EPHB4: variants seen among roughly 807,000 people sequenced by gnomAD.
EPHB4 encodes ephrin type-B receptor 4.
EPHB4 carries 50 observed loss-of-function variants against 110.6 expected under a neutral mutation model. The observed-to-expected ratio is 0.45, with a 90% confidence interval of 0.36 to 0.57. The LOEUF (loss-of-function observed/expected upper bound fraction) is 0.57, where lower values mean the gene tolerates loss of function less well. EPHB4 is among the 20% of genes least tolerant of loss of function. The probability of loss-of-function intolerance (pLI) is 0.00; values close to 1 mark genes in which losing one functional copy is unlikely to be tolerated. For synonymous variants in EPHB4, 592 were observed against 578.4 expected, an observed-to-expected ratio of 1.02 and a Z score of -0.34; for missense variants, 1,128 against 1,382.1, an observed-to-expected ratio of 0.82 and a Z score of 2.91.
rs769239084 is a variant in EPHB4, at chr7:100,823,757, G to A, written c.298C>T (p.Leu100=). 6.2e-7 allele frequency: 1 copy of A among 1,613,630 alleles called. No individual in the cohort carries two copies. Among genetic ancestry groups the A allele is most frequent in the African/African-American group, 1.3e-5 (1 of 75,062 alleles). The change falls in exon 3 of 17, where the codon CTG becomes TTG. Residue 100 remains leucine (L), a synonymous_variant. Transcript: ENST00000358173. The part of the protein sequence containing the change: ...LRFTMLECLS[L]PRAGRSCKET... Reference sequence around the variant, plus strand: ...TTGCAGGAGCGCCCAGCCCGAGGCAGGGACAGGCACTCGAGCATGGTGAAG... The same window carrying A: ...TTGCAGGAGCGCCCAGCCCGAGGCAAGGACAGGCACTCGAGCATGGTGAAG...
At position 100,805,673 on chromosome 7, in the gene EPHB4, C is replaced by G. The variant is rs1451025383; in HGVS notation, c.2506G>C (p.Asp836His). 6.6e-7 allele frequency: 1 copy of G among 1,517,484 alleles called. No homozygotes were observed. Among genetic ancestry groups the G allele is most frequent in the Non-Finnish European group, 8.8e-7 (1 of 1,134,860 alleles). 94.0% of individuals were successfully genotyped at this position (1,517,484 alleles called of 1,614,324 possible). The change falls in exon 15 of 17, where the codon GAC (aspartate) becomes CAC (histidine). Residue 836 changes from aspartate to histidine, a missense_variant. Asp to His is a moderately conservative substitution (Grantham distance 81). Transcript: ENST00000358173. ...TCTGGGGGCGGGGGCAGCCGGTAGT[C>G]CTGTTCAATGGCATTGATCACCTGG... ...NQDVINAIEQ[D>H]YRLPPPPDCP...
Position 100,813,984 on chromosome 7 carries a change from C to T in EPHB4, c.1626G>A (p.Ala542=), listed in dbSNP as rs751791540. Residue 542 remains alanine, a synonymous_variant, in exon 9 of 17, where the codon GCG becomes GCA. Coordinates refer to ENST00000358173, the MANE Select transcript of EPHB4 (RefSeq NM_004444.5). ...EGWREQLALI[A]GTAVVGVVLV... Reference sequence around the variant, plus strand: ...GGACCACACCCACGACTGCCGTGCCCGCAATCAGGGCCAGCTGCTCCCGCC... The same window carrying T: ...GGACCACACCCACGACTGCCGTGCCTGCAATCAGGGCCAGCTGCTCCCGCC... 8 of 1,614,032 alleles carry T rather than the reference C, an allele frequency of 5.0e-6. No individual in the cohort carries two copies. The highest frequency in any genetic ancestry group is 1.6e-4 in the Middle Eastern group (1 of 6,084).
intron 16 of EPHB4, among the ~76,000 whole-genome samples, 160 bp downstream of exon 16, chr7:100,805,006 G>A (rs1190772679): frequency 6.6e-6 from 1 of 152,174 alleles, no homozygotes; most frequent in African/African-American, 2.4e-5. Context: ...CCATGGGGCT[G>A]TGACTGCTCC....
intron 8 of EPHB4, among the ~76,000 whole-genome samples, chr7:100,816,874 G>C (rs1197300758): frequency 6.6e-6 from 1 of 151,956 alleles, no homozygotes; most frequent in East Asian, 2.0e-4. Flanking sequence ...ACAAGGTCAG[G>C]AGTTCGAGAC....
chr7:100,819,777 G>C lies in EPHB4; in HGVS notation c.1077C>G (p.Leu359=), dbSNP rs1813172482. The C allele has an allele frequency of 1.3e-6, 2 of 1,586,134 alleles. No individual in the cohort carries two copies. The highest frequency in any genetic ancestry group is 1.8e-5 in the Admixed American group (1 of 55,050). The stretch of plus-strand genomic sequence containing the variant: ...CTCCGGGTCGGCACTCCCGGCAGCG[G>C]AGGGCGTAGGTGAGGTCCTCTCGGC... The part of the protein sequence containing the change: ...SGGREDLTYA[L]RCRECRPGGS... Residue 359 remains leucine, a synonymous_variant, in exon 6 of 17, where the codon CTC becomes CTG. Coordinates refer to ENST00000358173, the MANE Select transcript of EPHB4 (RefSeq NM_004444.5).
chr7:100,823,981 G>A, intron 2 of EPHB4, 50 bp from the exon 3 acceptor site: 2 of 1,527,852 alleles, frequency 1.3e-6, no homozygotes, highest in Non-Finnish European at 1.8e-6. Context: ...GCCAGGGAGA[G>A]GGCTGCATGG....
intron 12 of EPHB4, among the ~76,000 whole-genome samples, chr7:100,811,220 C>A (rs185000614): frequency 6.6e-6 from 1 of 151,734 alleles, no homozygotes; most frequent in Non-Finnish European, 1.5e-5. Flanking sequence ...CCACTGCACT[C>A]CAGCCTGGGT....
intron 4 of EPHB4, among the ~76,000 whole-genome samples, chr7:100,821,678 A>C (rs538644471): frequency 6.6e-6 from 1 of 151,098 alleles, no homozygotes; most frequent in Admixed American, 6.6e-5. Flanking sequence ...TCTGTCACCC[A>C]GGCTGATCTC....
At position 100,802,667 on chromosome 7, in the gene EPHB4, G is replaced by C. The variant is rs889440123; in HGVS notation, c.*794C>G. 4 of 152,038 alleles carry C rather than the reference G, an allele frequency of 2.6e-5. No homozygotes were observed. Among genetic ancestry groups the C allele is most frequent in the African/African-American group, 9.7e-5 (4 of 41,380 alleles). The allele number at this position is 152,038 out of a possible 1,614,324, so 9.4% of individuals were successfully genotyped here. ...CTCCAAGCACCGGCGTCCGTTTCTGGGTTCCACCACCAACTACCGCCCTTT... is the reference window on the plus strand; with the variant it reads ...CTCCAAGCACCGGCGTCCGTTTCTGCGTTCCACCACCAACTACCGCCCTTT... On this transcript the variant is annotated 3_prime_UTR_variant, in exon 17 of 17. Coordinates refer to ENST00000358173, the MANE Select transcript of EPHB4 (RefSeq NM_004444.5).
intron 3 of EPHB4, among the ~76,000 whole-genome samples, chr7:100,823,048 G>A (rs1212141426): frequency 6.6e-6 from 1 of 152,200 alleles, no homozygotes; most frequent in Non-Finnish European, 1.5e-5. Flanking sequence ...CACTTTAGGA[G>A]GCCGAGGTGG....
At chr7:100,815,669 C>G (rs1345590012) in intron 8 of EPHB4, among the ~76,000 whole-genome samples, 1 of 152,078 alleles carries the variant, frequency 6.6e-6, no homozygotes, top group East Asian at 1.9e-4. Flanking sequence ...AAAGCTATTA[C>G]AGAAAATTAC....
chr7:100,816,097 T>C (rs1043524756), intron 8 of EPHB4, among the ~76,000 whole-genome samples: 1 of 150,242 alleles, frequency 6.7e-6, no homozygotes. Flanking sequence ...GACCAGGAGG[T>C]GGAGCTTGCG....
rs976393635 is a variant in EPHB4 at position 100,803,126 on chromosome 7, A to G, written c.*335T>C. ...ACTCTGGAGCTGGCAAGGGAGTCAC[A>G]CTCTCTTTGGTCTGCGGGAACGCAC... is the stretch of plus-strand genomic sequence containing the variant. On this transcript the variant is annotated 3_prime_UTR_variant, in exon 17 of 17. Coordinates refer to ENST00000358173, the MANE Select transcript of EPHB4 (RefSeq NM_004444.5). 5.5e-6 allele frequency: 1 copy of G among 182,260 alleles called. No individual in the cohort carries two copies. The highest frequency in any genetic ancestry group is 1.9e-4 in the South Asian group (1 of 5,296). The allele number at this position is 182,260 out of a possible 1,614,324, so 11.3% of individuals were successfully genotyped here.
At chr7:100,813,310 T>G (rs1317322308) in intron 10 of EPHB4, 102 bp from the exon 11 acceptor site, 3 of 763,846 alleles carry the variant, frequency 3.9e-6, no homozygotes, top group Non-Finnish European at 5.9e-6. Context: ...TCCGTGGTTT[T>G]TTTTTTTTTT....
chr7:100,804,843 A>C (rs997352885), intron 16 of EPHB4, among the ~76,000 whole-genome samples: 2 of 152,214 alleles, frequency 1.3e-5, no homozygotes, highest in Non-Finnish European at 2.9e-5. Flanking sequence ...ACCCGAGTTG[A>C]CACATTGTTA....
At chr7:100,805,399 G>A (rs879339344) in intron 15 of EPHB4, 78 bp from the exon 16 acceptor site, 43 of 1,590,556 alleles carry the variant, frequency 2.7e-5, no homozygotes, top group Non-Finnish European at 3.5e-5. Flanking sequence ...GCCTTGCAGA[G>A]GCGGACAGAG....
chr7:100,822,603 A>G lies in EPHB4; in HGVS notation c.476T>C (p.Val159Ala). ...TCCCAGACGCAGCGTCTTGACATTCACCTTCCCGGTGGCCTCGGCCCCAGG... is the reference window on the plus strand; with the variant it reads ...TCCCAGACGCAGCGTCTTGACATTCGCCTTCCCGGTGGCCTCGGCCCCAGG... ...KRPGAEATGK[V>A]NVKTLRLGPL... is the part of the protein sequence containing the mutation. The change falls in exon 4 of 17, where the codon GTG becomes GCG. Residue 159 changes from valine (V) to alanine (A), a missense_variant. Val to Ala is a moderately conservative substitution (Grantham distance 64, BLOSUM62 0). Around this residue, in one of 3 missense-constraint regions of EPHB4, gnomAD observed 728 missense variants for 828.6 expected, o/e 0.88. Coordinates refer to ENST00000358173, the MANE Select transcript of EPHB4 (RefSeq NM_004444.5). The surrounding 1 kb of genome is among the most constrained non-coding windows in gnomAD (Gnocchi z 4.7). The G allele has an allele frequency of 6.2e-7, 1 of 1,606,916 alleles. No individual in the cohort carries two copies. The highest frequency in any genetic ancestry group is 8.5e-7 in the Non-Finnish European group (1 of 1,175,788).
chr7:100,809,358 C>T (rs1584655627), intron 12 of EPHB4, among the ~76,000 whole-genome samples: 1 of 152,106 alleles, frequency 6.6e-6, no homozygotes, highest in Admixed American at 6.6e-5. Context: ...CCACCTGCCC[C>T]GGCCTCCCCA....
intron 12 of EPHB4, among the ~76,000 whole-genome samples, chr7:100,812,130 C>T (rs182415904): frequency 0.022 from 3,357 of 151,468 alleles, 46 homozygotes; most frequent in South Asian, 0.056. Flanking sequence ...CAAGATCTTG[C>T]CATTGCACTC....
Sources: allele counts gnomAD v4.1 joint callset (sites outside exome capture counted in the v4.1 genomes callset), GRCh38; gene constraint gnomAD v4.1.1; regional missense constraint gnomAD v4.1.1; non-coding constraint Gnocchi (gnomAD v3.1); transcripts MANE v1.5; gene names NCBI Gene and HGNC (gene_info 2026-07-23, HGNC 2026-07-21).